PEX14: variants seen among roughly 807,000 people sequenced by gnomAD.
PEX14 encodes peroxisomal biogenesis factor 14.
PEX14 carries 15 observed loss-of-function variants against 49.5 expected under a neutral mutation model. That is an observed-to-expected ratio of 0.30 (90% CI 0.20 to 0.47). The LOEUF (loss-of-function observed/expected upper bound fraction) is 0.47, where lower values mean the gene tolerates loss of function less well. Among genes scored for constraint, PEX14 ranks in the 20% least tolerant of loss-of-function variants. The pLI, the probability that PEX14 is intolerant of heterozygous loss-of-function variation, is 1.00. For synonymous variants in PEX14, 210 were observed against 212.7 expected, an observed-to-expected ratio of 0.99 and a Z score of 0.11; for missense variants, 398 against 494.8, an observed-to-expected ratio of 0.80 and a Z score of 1.86.
chr1:10,538,171 T>C (rs747585194), intron 3 of PEX14, among the ~76,000 whole-genome samples: 41 of 152,266 alleles, frequency 2.7e-4, no homozygotes, highest in Non-Finnish European at 4.7e-4. Flanking sequence ...GCGCCATGGA[T>C]ACTGATGAAT....
intron 2 of PEX14, among the ~76,000 whole-genome samples, chr1:10,501,372 T>G (rs1251739644): frequency 6.6e-6 from 1 of 152,178 alleles, no homozygotes; most frequent in Non-Finnish European, 1.5e-5. Flanking sequence ...TGGCACGATC[T>G]CGGCTCACTG....
chr1:10,605,726 A>G (rs888420400), intron 4 of PEX14, among the ~76,000 whole-genome samples: 1 of 152,104 alleles, frequency 6.6e-6, no homozygotes, highest in Non-Finnish European at 1.5e-5. Context: ...TTTCTCTCTC[A>G]TGCTTCCATT....
chr1:10,500,744 T>C (rs1337454432), intron 2 of PEX14, among the ~76,000 whole-genome samples: 3 of 152,130 alleles, frequency 2.0e-5, no homozygotes, highest in Admixed American at 2.0e-4. Context: ...CCAGCTAATT[T>C]TTGTATTTTT....
intron 3 of PEX14, among the ~76,000 whole-genome samples, chr1:10,546,301 C>T (rs1570244796): frequency 6.6e-6 from 1 of 152,100 alleles, no homozygotes; most frequent in Non-Finnish European, 1.5e-5. Context: ...TGCAGTGGCT[C>T]AAGCCTGTAA....
rs548477643 is a variant in PEX14 at position 10,485,351 on chromosome 1, C to T, written c.37-9923C>T. On this transcript the variant is annotated intron_variant, in intron 1 of 8. Coordinates refer to ENST00000356607, the MANE Select transcript of PEX14 (RefSeq NM_004565.3). ...GAGACAGGGTCTTTTTTGTCTTTGT[C>T]GCCCAAGCTGGAGTGCAGTGGTGCA... Among the ~76,000 whole-genome samples the T allele has an allele frequency of 1.2e-4, 14 of 118,060 alleles. 1 individual carries two copies. The highest frequency in any genetic ancestry group is 8.3e-4 in the South Asian group (3 of 3,634). 77.5% of individuals were successfully genotyped at this position (118,060 alleles called of 152,430 possible).
intron 1 of PEX14, among the ~76,000 whole-genome samples, chr1:10,477,863 T>C (rs954874535): frequency 1.2e-4 from 18 of 152,168 alleles, no homozygotes; most frequent in Admixed American, 9.8e-4. Flanking sequence ...CTCACAGAGT[T>C]GCTCTGAGGA....
At chr1:10,548,036 T>G (rs1306110342) in intron 3 of PEX14, among the ~76,000 whole-genome samples, 4 of 152,046 alleles carry the variant, frequency 2.6e-5, no homozygotes, top group Non-Finnish European at 4.4e-5. Flanking sequence ...GTCAACATGG[T>G]GAAACCCTGT....
intron 2 of PEX14, among the ~76,000 whole-genome samples, chr1:10,530,799 T>G (rs1343390712): frequency 6.6e-6 from 1 of 152,208 alleles, no homozygotes; most frequent in East Asian, 1.9e-4. Context: ...TCCTGCTGCT[T>G]TTTTAGTCTT....
At position 10,613,162 on chromosome 1, in the gene PEX14, G is replaced by A. The variant is rs753570197; in HGVS notation, c.299-5170G>A. Among the ~76,000 whole-genome samples, 5 of 152,218 alleles carry A rather than the reference G, an allele frequency of 3.3e-5. No homozygotes were observed. Among genetic ancestry groups the A allele is most frequent in the African/African-American group, 1.2e-4 (5 of 41,460 alleles). ...GCAAGGTTTCAGGCTCAACATTGCC[G>A]TGTTGTATGCACAAGTCCTAGTCCT... On this transcript the variant is annotated intron_variant, in intron 4 of 8. Transcript: ENST00000356607. This position sits in a 1 kb window ranked among gnomAD's most constrained non-coding sequence, Gnocchi z 5.0.
intron 3 of PEX14, among the ~76,000 whole-genome samples, chr1:10,591,928 T>C (rs963249949): frequency 6.6e-6 from 1 of 152,136 alleles, no homozygotes; most frequent in Non-Finnish European, 1.5e-5. Context: ...TGCCCCTCTC[T>C]CTGTCCCTTT....
intron 2 of PEX14, among the ~76,000 whole-genome samples, chr1:10,508,247 C>T (rs1459741169): frequency 1.3e-5 from 2 of 152,078 alleles, no homozygotes; most frequent in Non-Finnish European, 2.9e-5. Flanking sequence ...CGCTCTGTCA[C>T]CCAGGCTGGA....
chr1:10,487,887 T>G (rs912959542), intron 1 of PEX14, among the ~76,000 whole-genome samples: 1 of 152,134 alleles, frequency 6.6e-6, no homozygotes, highest in East Asian at 1.9e-4. Flanking sequence ...TTCAAGGGAT[T>G]CTTCTGCCTC....
chr1:10,630,004 T>A lies in PEX14; in HGVS notation c.*17T>A. 1 of 1,605,960 alleles carries A rather than the reference T, an allele frequency of 6.2e-7. No homozygotes were observed. The stretch of plus-strand genomic sequence containing the variant: ...CGGGACTAGGGCTGCGCCTGCTGCC[T>A]CCAGCCCTGAGGATGGCATCTAGTG... On this transcript the variant is annotated 3_prime_UTR_variant, in exon 9 of 9. Transcript: ENST00000356607. This position sits in a 1 kb window ranked among gnomAD's most constrained non-coding sequence, Gnocchi z 4.1.
At chr1:10,501,064 T>A (rs1252473780) in intron 2 of PEX14, among the ~76,000 whole-genome samples, 1 of 152,218 alleles carries the variant, frequency 6.6e-6, no homozygotes, top group East Asian at 1.9e-4. Context: ...ATTTAGGGAT[T>A]TCAGGAACTT....
chr1:10,536,409 C>G, intron 3 of PEX14, 112 bp downstream of exon 3: 2 of 758,928 alleles, frequency 2.6e-6, no homozygotes, highest in Non-Finnish European at 4.8e-6. Context: ...CTAGAGCTGC[C>G]CACTCATGGG....
Position 10,623,363 on chromosome 1 carries a change from T to C in PEX14, c.487+242T>C. On this transcript the variant is annotated intron_variant, in intron 6 of 8. Coordinates refer to ENST00000356607, the MANE Select transcript of PEX14 (RefSeq NM_004565.3). This position sits in a 1 kb window ranked among gnomAD's most constrained non-coding sequence, Gnocchi z 4.4. ...CGGAAAGGCTCCCAACCTCAGAATA[T>C]TAATAAGGGGAATAAAATGACAGCC... 2.1e-6 allele frequency: 1 copy of C among 469,432 alleles called. No individual in the cohort carries two copies. Among genetic ancestry groups the C allele is most frequent in the South Asian group, 2.0e-5 (1 of 48,878 alleles). 29.1% of individuals were successfully genotyped at this position (469,432 alleles called of 1,614,324 possible).
At chr1:10,582,721 C>A (rs1018532365) in intron 3 of PEX14, among the ~76,000 whole-genome samples, 1 of 152,004 alleles carries the variant, frequency 6.6e-6, no homozygotes, top group African/African-American at 2.4e-5. Context: ...TGGTAACAGG[C>A]ATTTTGTTTT....
chr1:10,618,496 C>A, intron 5 of PEX14, 79 bp downstream of exon 5: 2 of 1,077,590 alleles, frequency 1.9e-6, no homozygotes, highest in Non-Finnish European at 2.8e-6. Context: ...GGTTCCCCTG[C>A]ATGGAGGCAC....
In PEX14 at chr1:10,610,179, C is replaced by G. The variant is rs1641238499; in HGVS notation, c.299-8153C>G. On this transcript the variant is annotated intron_variant, in intron 4 of 8. Transcript: ENST00000356607. ...TTATGTCTATATCATGATTGTGATT[C>G]ATGGTTTTTGCATCCTAAGAAGCCT... is the stretch of plus-strand genomic sequence containing the variant. Among the ~76,000 whole-genome samples, 3 of 148,198 alleles carry G rather than the reference C, an allele frequency of 2.0e-5. No individual in the cohort carries two copies. In the South Asian group the frequency reaches 6.3e-4, roughly 31 times the overall value.
Sources: allele counts gnomAD v4.1 joint callset (sites outside exome capture counted in the v4.1 genomes callset), GRCh38; gene constraint gnomAD v4.1.1; non-coding constraint Gnocchi (gnomAD v3.1); transcripts MANE v1.5; gene names NCBI Gene and HGNC (gene_info 2026-07-23, HGNC 2026-07-21).